Variants in RNF157 observed in about 807,000 individuals in gnomAD.
The protein encoded by RNF157 is ring finger protein 157.
RNF157 carries 55 observed loss-of-function variants against 88.3 expected under a neutral mutation model. That is an observed-to-expected ratio of 0.62 (90% CI 0.50 to 0.78). RNF157 has a LOEUF of 0.78. Ranked by LOEUF, RNF157 falls within the 30% of genes least tolerant of loss-of-function variation. The pLI is 0.00. For synonymous variants in RNF157, 334 were observed against 341.2 expected (o/e 0.98, Z 0.23); for missense variants, 788 against 860.8 (o/e 0.92, Z 1.06).
Position 76,185,507 on chromosome 17 carries a change from TCGCCCA to T in RNF157, c.208-11723_208-11718del, listed in dbSNP as rs1568047374. ...TTTTTTGAGACGGAGTCTCGCTCTGTCGCCCAGGCTGGAGTGCAGTGGCGCGATCTC... is the reference window on the plus strand; with the variant it reads ...TTTTTTGAGACGGAGTCTCGCTCTGTGGCTGGAGTGCAGTGGCGCGATCTC... On this transcript the variant is annotated intron_variant, in intron 2 of 18. Coordinates refer to ENST00000269391, the MANE Select transcript of RNF157 (RefSeq NM_052916.3). 2.5e-3 allele frequency among the ~76,000 whole-genome samples: 357 copies of T among 142,460 alleles called. 4 individuals carry two copies. Among genetic ancestry groups the T allele is most frequent in the African/African-American group, 8.0e-3 (285 of 35,488 alleles). 93.5% of individuals were successfully genotyped at this position (142,460 alleles called of 152,430 possible).
At chr17:76,155,807 G>A in intron 14 of RNF157, 73 bp from the exon 15 acceptor site, 4 of 1,289,472 alleles carry the variant, frequency 3.1e-6, no homozygotes, top group Non-Finnish European at 4.2e-6. Flanking sequence ...GGGGAGCAGA[G>A]CCCTCTCCCT....
chr17:76,205,114 T>A (rs1338693777), intron 2 of RNF157, among the ~76,000 whole-genome samples: 1 of 150,472 alleles, frequency 6.6e-6, no homozygotes, highest in Non-Finnish European at 1.5e-5. Context: ...CCTCGTTCCC[T>A]CCCTTCCTCT....
At chr17:76,172,066 A>T (rs1050225101) in intron 3 of RNF157, among the ~76,000 whole-genome samples, 1 of 152,250 alleles carries the variant, frequency 6.6e-6, no homozygotes, top group Non-Finnish European at 1.5e-5. Context: ...ACTGTTCTGC[A>T]GCAGACAGGT....
At chr17:76,190,930 G>A (rs1012007242) in intron 2 of RNF157, among the ~76,000 whole-genome samples, 24 of 151,882 alleles carry the variant, frequency 1.6e-4, no homozygotes, top group Admixed American at 6.6e-4. Flanking sequence ...AAGTTTACAC[G>A]GCTGAATGCA....
Position 76,157,770 on chromosome 17 carries a change from A to G in RNF157, c.1413+623T>C, listed in dbSNP as rs1371238056. Among the ~76,000 whole-genome samples the G allele has an allele frequency of 6.6e-6, 1 of 152,062 alleles. No homozygotes were observed. Among genetic ancestry groups the G allele is most frequent in the Non-Finnish European group, 1.5e-5 (1 of 67,994 alleles). ...TCCTGTGCCCTGCTGTATCTAGCTC[A>G]GTGCCCTACAGAGAGAAGCTGCATA... On this transcript the variant is annotated intron_variant, in intron 13 of 18. Transcript: ENST00000269391. The surrounding 1 kb of genome is among the most constrained non-coding windows in gnomAD (Gnocchi z 5.6).
chr17:76,173,674 G>C lies in RNF157; in HGVS notation c.296+28C>G, dbSNP rs202236231. ...AGCCTCCCCAAAGGAAGGTGCCTGG[G>C]ACCTGGCCCCAGCCTCTGGGAACTT... On this transcript the variant is annotated intron_variant, in intron 3 of 18. Transcript: ENST00000269391. The C allele has an allele frequency of 8.5e-4, 1,325 of 1,557,762 alleles. 14 individuals carry two copies. The highest frequency in any genetic ancestry group is 2.2e-3 in the East Asian group (96 of 43,610).
rs553625127 is a variant in RNF157 at position 76,217,900 on chromosome 17, G to A, written c.89-5418C>T. 4.6e-5 allele frequency among the ~76,000 whole-genome samples: 7 copies of A among 152,312 alleles called. No individual in the cohort carries two copies. In the South Asian group the frequency reaches 8.3e-4, roughly 18 times the overall value. ...CATACACATATCTCCAAGATTATACGTAAACCGTAAGGTATGAGTGGGAAG... is the reference window on the plus strand; with the variant it reads ...CATACACATATCTCCAAGATTATACATAAACCGTAAGGTATGAGTGGGAAG... On this transcript the variant is annotated intron_variant, in intron 1 of 18. Transcript: ENST00000269391.
At chr17:76,199,544 G>C (rs529094187) in intron 2 of RNF157, among the ~76,000 whole-genome samples, 1 of 145,496 alleles carries the variant, frequency 6.9e-6, no homozygotes, top group Non-Finnish European at 1.5e-5. Context: ...GTGAGCCACT[G>C]TGCCCTGCCA....
intron 1 of RNF157, among the ~76,000 whole-genome samples, chr17:76,221,549 T>C (rs547878086): frequency 3.9e-5 from 6 of 152,338 alleles, no homozygotes; most frequent in Admixed American, 6.5e-5. Flanking sequence ...GTACAGACTT[T>C]ATTTTATTAA....
At position 76,157,029 on chromosome 17, in the gene RNF157, C is replaced by T. The variant is rs964580799; in HGVS notation, c.1414-708G>A. Among the ~76,000 whole-genome samples the T allele has an allele frequency of 1.2e-4, 18 of 150,884 alleles. No individual in the cohort carries two copies. Among genetic ancestry groups the T allele is most frequent in the East Asian group, 1.9e-4 (1 of 5,150 alleles). ...CAGCCCAGGCTGGAGTGCAGTGGTGCGGTCTTGGCTCACTGCAACCCCTGC... is the reference window on the plus strand; with the variant it reads ...CAGCCCAGGCTGGAGTGCAGTGGTGTGGTCTTGGCTCACTGCAACCCCTGC... On this transcript the variant is annotated intron_variant, in intron 13 of 18. Transcript: ENST00000269391. This position sits in a 1 kb window ranked among gnomAD's most constrained non-coding sequence, Gnocchi z 5.6.
intron 2 of RNF157, among the ~76,000 whole-genome samples, chr17:76,198,078 C>T (rs552784538): frequency 1.8e-4 from 28 of 152,308 alleles, no homozygotes; most frequent in Middle Eastern, 6.8e-3. Context: ...TCCTTTCTGG[C>T]CACCCAACCA....
In RNF157 at chr17:76,160,139, T is replaced by A. The variant is rs912660434; in HGVS notation, c.1066-566A>T. On this transcript the variant is annotated intron_variant, in intron 11 of 18. Transcript: ENST00000269391. The surrounding 1 kb of genome is among the most constrained non-coding windows in gnomAD (Gnocchi z 4.3). ...CTGGCCAGAACATAAATATTTTCCT[T>A]TGTTTCTGAAGCCTCTTTATATATG... Among the ~76,000 whole-genome samples the A allele has an allele frequency of 2.0e-5, 3 of 152,188 alleles. No homozygotes were observed. The East Asian group carries it at 5.8e-4, about 29-fold the overall frequency.
intron 18 of RNF157, among the ~76,000 whole-genome samples, chr17:76,150,139 A>G (rs2068652470): frequency 6.6e-6 from 1 of 151,778 alleles, no homozygotes; most frequent in African/African-American, 2.4e-5. Flanking sequence ...TCTCACACAT[A>G]TTTTTTTTCT....
chr17:76,159,810 T>C (rs2068821467), intron 11 of RNF157, among the ~76,000 whole-genome samples: 2 of 152,168 alleles, frequency 1.3e-5, no homozygotes, highest in Non-Finnish European at 2.9e-5. Flanking sequence ...AATGGAAATT[T>C]GGAAAATACA....
intron 5 of RNF157, 97 bp downstream of exon 5, chr17:76,166,912 A>G: frequency 1.3e-6 from 1 of 755,960 alleles, no homozygotes; most frequent in Non-Finnish European, 2.2e-6. Context: ...CATGGCCTTC[A>G]AGCATCCGAG....
At chr17:76,162,723 C>A in intron 8 of RNF157, 100 bp from the exon 9 acceptor site, 2 of 705,136 alleles carry the variant, frequency 2.8e-6, no homozygotes, top group Admixed American at 3.3e-5. Context: ...CCAAGGACTA[C>A]CGATTCATAA....
intron 1 of RNF157, among the ~76,000 whole-genome samples, chr17:76,231,945 T>G (rs921899990): frequency 2.6e-5 from 4 of 152,244 alleles, no homozygotes; most frequent in African/African-American, 9.6e-5. Context: ...CTGCTTTCTA[T>G]CTCTATAAAT....
Position 76,165,405 on chromosome 17 carries a change from T to C in RNF157, c.672+97A>G, listed in dbSNP as rs1598397163. 3.2e-6 allele frequency: 4 copies of C among 1,249,238 alleles called. No homozygotes were observed. The East Asian group carries it at 9.4e-5, about 29-fold the overall frequency. 77.4% of individuals were successfully genotyped at this position (1,249,238 alleles called of 1,614,324 possible). A position where few individuals can be genotyped will look rare whatever the true frequency, so the allele number is the denominator to read the frequency against. On this transcript the variant is annotated intron_variant, in intron 7 of 18. Coordinates refer to ENST00000269391, the MANE Select transcript of RNF157 (RefSeq NM_052916.3). ...ATTATAGCCTCTAAAGCCAGACCCA[T>C]TCTGCTGAGCTCAGGCACCCAGCAA...
At chr17:76,156,081 C>T (rs961044527) in intron 14 of RNF157, 129 bp downstream of exon 14, 6 of 714,002 alleles carry the variant, frequency 8.4e-6, no homozygotes, top group Admixed American at 5.4e-5. Context: ...CCTCTCAAGC[C>T]AGGGCCTACT....
Sources: allele counts gnomAD v4.1 joint callset (sites outside exome capture counted in the v4.1 genomes callset), GRCh38; gene constraint gnomAD v4.1.1; non-coding constraint Gnocchi (gnomAD v3.1); transcripts MANE v1.5; gene names NCBI Gene and HGNC (gene_info 2026-07-23, HGNC 2026-07-21).